The following COPG1 variants were observed in gnomAD, a reference collection of about 807,000 sequenced individuals.
COPG1 encodes the protein coat protein complex I subunit gamma 1, also known as coatomer subunit gamma-1.
In COPG1, 29 loss-of-function variants were observed where a neutral mutation model predicts 102.8. The observed-to-expected ratio is 0.28, with a 90% CI of 0.21 to 0.38. The LOEUF is 0.38. Ranked by LOEUF, COPG1 falls within the 10% of genes least tolerant of loss-of-function variation. The pLI is 1.00. For missense variants in COPG1, 875 were observed against 1,132.7 expected (o/e 0.77, Z 3.27); for synonymous variants, 406 against 421.6 (o/e 0.96, Z 0.45).
intron 3 of COPG1, 84 bp from the exon 4 acceptor site, chr3:129,252,539 T>C (rs1939721403): frequency 1.6e-6 from 2 of 1,225,048 alleles, no homozygotes; most frequent in Middle Eastern, 3.8e-4. Flanking sequence ...CTTTAGGGTC[T>C]GGGGATCTGG....
Position 129,265,497 on chromosome 3 carries a change from A to G in COPG1, c.1225-52A>G, listed in dbSNP as rs115638744. ...GTCCTTGGTCCAGCTCAGGTCTTCA[A>G]CTCTTTTCTGGAGAGAGCAGGCTCC... On this transcript the variant is annotated intron_variant, in intron 13 of 23. Transcript: ENST00000314797. The G allele has an allele frequency of 7.1e-4, 1,130 of 1,596,442 alleles. 9 individuals are homozygous for G. In the East Asian group the frequency reaches 0.017, roughly 24 times the overall value.
In COPG1 at chr3:129,267,952, T is replaced by C. The variant is rs1940100769; in HGVS notation, c.1560T>C (p.Asp520=). The change falls in exon 16 of 24, where the codon GAT becomes GAC. Residue 520 remains aspartate (D), a synonymous_variant. Transcript: ENST00000314797. The part of the protein sequence containing the change: ...LVLLKRCVMD[D]DNEVRDRATF... ...CTGGCTGCAGGTGTGTGATGGATGA[T>C]GACAATGAAGTAAGGGACCGAGCCA... The C allele has an allele frequency of 6.2e-7, 1 of 1,613,924 alleles. No homozygotes were observed.
intron 1 of COPG1, among the ~76,000 whole-genome samples, chr3:129,250,016 G>A (rs1261524765): frequency 6.6e-6 from 1 of 152,074 alleles, no homozygotes; most frequent in Non-Finnish European, 1.5e-5. Context: ...TCAAAGGAGG[G>A]GACCATGCCG....
chr3:129,274,991 A>T lies in COPG1; in HGVS notation c.2395+15A>T. The T allele has an allele frequency of 6.2e-7, 1 of 1,613,740 alleles. No individual in the cohort carries two copies. The highest frequency in any genetic ancestry group is 1.1e-5 in the South Asian group (1 of 91,064). On this transcript the variant is annotated intron_variant, in intron 22 of 23. Coordinates refer to ENST00000314797, the MANE Select transcript of COPG1 (RefSeq NM_016128.4). Reference sequence around the variant, plus strand: ...GACACTTGAAGGTAAAATCCTGGGAATGCCATCTCTGGCCTAATTACTGTT... The same window carrying T: ...GACACTTGAAGGTAAAATCCTGGGATTGCCATCTCTGGCCTAATTACTGTT...
At chr3:129,252,432 C>A in intron 3 of COPG1, 71 bp downstream of exon 3, 2 of 1,195,580 alleles carry the variant, frequency 1.7e-6, no homozygotes, top group South Asian at 2.5e-5. Context: ...AAATCATGAT[C>A]ACTCTTAGGC....
At position 129,272,272 on chromosome 3, in the gene COPG1, A is replaced by C. The variant is rs1381440712; in HGVS notation, c.2015A>C (p.Gln672Pro). The change falls in exon 20 of 24, where the codon CAG becomes CCG. Residue 672 changes from glutamine to proline, a missense_variant. Gln to Pro is a moderately conservative substitution (Grantham distance 76). Coordinates refer to ENST00000314797, the MANE Select transcript of COPG1 (RefSeq NM_016128.4). ...GACTGCACAAACACACTCAATGACC[A>C]GACCTTGGAGAATGTCACAGTGCAG... ...QFDCTNTLND[Q>P]TLENVTVQME... 6.2e-7 allele frequency: 1 copy of C among 1,614,140 alleles called. No homozygotes were observed. Among genetic ancestry groups the C allele is most frequent in the South Asian group, 1.1e-5 (1 of 91,088 alleles).
intron 2 of COPG1, among the ~76,000 whole-genome samples, chr3:129,251,907 C>T (rs1329533851): frequency 7.0e-6 from 1 of 142,514 alleles, no homozygotes; most frequent in South Asian, 2.3e-4. Context: ...AGGCTGGTCT[C>T]GAACTGACCT....
chr3:129,257,838 A>G lies in COPG1; in HGVS notation c.849A>G (p.Lys283=). The G allele has an allele frequency of 6.2e-7, 1 of 1,613,756 alleles. No homozygotes were observed. The change falls in exon 10 of 24, where the codon AAA becomes AAG. Residue 283 remains lysine (K), a synonymous_variant. Coordinates refer to ENST00000314797, the MANE Select transcript of COPG1 (RefSeq NM_016128.4). ...AIVNLPGCSA[K]ELAPAVSVLQ... ...TCAATCTGCCAGGCTGCAGTGCCAA[A>G]GAGCTGGCCCCGGCTGTGTCAGGTC...
intron 1 of COPG1, among the ~76,000 whole-genome samples, chr3:129,250,337 C>T (rs1939667865): frequency 6.6e-6 from 1 of 152,166 alleles, no homozygotes; most frequent in South Asian, 2.1e-4. Context: ...GCAAATGTGT[C>T]ATCTGCTATG....
At chr3:129,254,576 T>C in intron 5 of COPG1, 92 bp from the exon 6 acceptor site, 1 of 846,132 alleles carries the variant, frequency 1.2e-6, no homozygotes. Context: ...AGGAGGCTCG[T>C]GTAGTAATCT....
At chr3:129,250,908 A>AT in intron 2 of COPG1, 174 bp downstream of exon 2, 1 of 280,910 alleles carries the variant, frequency 3.6e-6, no homozygotes. Context: ...AGTTATGCTT[A>AT]CTTCTTTTTT....
rs755013548 is a variant in COPG1 at position 129,268,618 on chromosome 3, C to G, written c.1772C>G (p.Thr591Arg). The change falls in exon 17 of 24, where the codon ACA becomes AGA. Residue 591 changes from threonine (T) to arginine (R), a missense_variant and splice_region_variant. By Grantham distance (71) the Thr-to-Arg change is moderately conservative (BLOSUM62 -1). Transcript: ENST00000314797. ...ACGGCGCCCATGGCAGAGCAGAGAA[C>G]AGGTAACACTTATACTCCTCCCAGA... The part of the protein sequence containing the change: ...LATAPMAEQR[T>R]ESTPITAVKQ... 2 of 1,614,048 alleles carry G rather than the reference C, an allele frequency of 1.2e-6. No individual in the cohort carries two copies. Among genetic ancestry groups the G allele is most frequent in the South Asian group, 1.1e-5 (1 of 91,082 alleles).
chr3:129,275,141 T>C lies in COPG1; in HGVS notation c.2396-53T>C. On this transcript the variant is annotated intron_variant, in intron 22 of 23. Coordinates refer to ENST00000314797, the MANE Select transcript of COPG1 (RefSeq NM_016128.4). This position sits in a 1 kb window ranked among gnomAD's most constrained non-coding sequence, Gnocchi z 5.0. ...CCTTCAGAACATGGGGGAGTGGTGG[T>C]GGCACAAAGGGCAGATAAGATGGCT... 1 of 1,551,554 alleles carries C rather than the reference T, an allele frequency of 6.4e-7. No homozygotes were observed. The highest frequency in any genetic ancestry group is 8.9e-7 in the Non-Finnish European group (1 of 1,124,168).
rs1309290465 is a variant in COPG1 at position 129,274,732 on chromosome 3, G to A, written c.2257-106G>A. On this transcript the variant is annotated intron_variant, in intron 21 of 23. Coordinates refer to ENST00000314797, the MANE Select transcript of COPG1 (RefSeq NM_016128.4). The stretch of plus-strand genomic sequence containing the variant: ...AGTCTAGCACAGTCCTCAGTGCCGA[G>A]CAAGCACCTGTGGAAAGAGTTGCAG... 20 of 1,327,080 alleles carry A rather than the reference G, an allele frequency of 1.5e-5. No individual in the cohort carries two copies. The Admixed American group carries it at 3.0e-4, about 20-fold the overall frequency. 82.2% of individuals were successfully genotyped at this position (1,327,080 alleles called of 1,614,324 possible). A position where few individuals can be genotyped will look rare whatever the true frequency, so the allele number is the denominator to read the frequency against.
At chr3:129,257,973 C>G (rs1480302817) in intron 10 of COPG1, 113 bp downstream of exon 10, 2 of 1,363,458 alleles carry the variant, frequency 1.5e-6, no homozygotes, top group Non-Finnish European at 2.0e-6. Context: ...GTTAAGGAGT[C>G]TGTACCTAGG....
chr3:129,265,263 T>C (rs908354207), intron 13 of COPG1, among the ~76,000 whole-genome samples: 1 of 152,126 alleles, frequency 6.6e-6, no homozygotes, highest in Non-Finnish European at 1.5e-5. Flanking sequence ...AACTAATTTT[T>C]CTATTTTTTG....
Position 129,271,227 on chromosome 3 carries a change from G to T in COPG1, c.1844-540G>T, listed in dbSNP as rs1275602898. ...CAGTGCTTGAACCTGGGCATAGGGTGTAGGGATAGGTCTTACCAGACACAA... is the reference window on the plus strand; with the variant it reads ...CAGTGCTTGAACCTGGGCATAGGGTTTAGGGATAGGTCTTACCAGACACAA... On this transcript the variant is annotated intron_variant, in intron 18 of 23. Coordinates refer to ENST00000314797, the MANE Select transcript of COPG1 (RefSeq NM_016128.4). The surrounding 1 kb of genome is among the most constrained non-coding windows in gnomAD (Gnocchi z 4.7). Among the ~76,000 whole-genome samples, 2 of 152,234 alleles carry T rather than the reference G, an allele frequency of 1.3e-5. No individual in the cohort carries two copies. Among genetic ancestry groups the T allele is most frequent in the African/African-American group, 4.8e-5 (2 of 41,458 alleles).
intron 15 of COPG1, chr3:129,267,358 C>A (rs903306417): frequency 7.0e-5 from 22 of 313,976 alleles, no homozygotes; most frequent in South Asian, 6.0e-5. Context: ...ATAGTGGCTC[C>A]CGCCTGTAAT....
chr3:129,255,391 C>T (rs1939787622), intron 7 of COPG1, among the ~76,000 whole-genome samples: 1 of 151,938 alleles, frequency 6.6e-6, no homozygotes, highest in African/African-American at 2.4e-5. Flanking sequence ...CTTGGCCAGG[C>T]TGGTCTTGAA....
Sources: gnomAD v4.1 joint callset for allele counts (sites outside exome capture counted in the v4.1 genomes callset) on GRCh38, gnomAD v4.1.1 for gene constraint, Gnocchi (gnomAD v3.1) non-coding constraint, MANE v1.5 for transcripts, NCBI Gene and HGNC (gene_info 2026-07-23, HGNC 2026-07-21) for gene names.